The following ORC4 variants were observed in gnomAD, a reference collection of about 807,000 sequenced individuals.
ORC4 encodes the protein origin recognition complex, subunit 4 homolog.
ORC4 carries 55 observed loss-of-function variants against 63.9 expected under a neutral mutation model. The ratio of observed to expected loss-of-function variants is 0.86; its 90% CI spans 0.69 to 1.08. ORC4 has a LOEUF of 1.08. ORC4 is among the 50% of genes least tolerant of loss of function. The pLI, the probability that ORC4 is intolerant of heterozygous loss-of-function variation, is 0.00. For missense variants in ORC4, 511 were observed against 504.4 expected (o/e 1.01, Z -0.13); for synonymous variants, 150 against 168.5 (o/e 0.89, Z 0.85).
chr2:147,958,867 C>T lies in ORC4; in HGVS notation c.226-1G>A. 1.7e-6 allele frequency: 2 copies of T among 1,181,436 alleles called. No homozygotes were observed. The highest frequency in any genetic ancestry group is 2.5e-6 in the Non-Finnish European group (2 of 792,344). The allele number at this position is 1,181,436 out of a possible 1,614,324, so 73.2% of individuals were successfully genotyped here. ...GTTCTTTCAAAGCATGATTTATTAA[C>T]TAAATATGAAAAGTTTATGAAATAA... On this transcript the variant is annotated splice_acceptor_variant, in intron 4 of 13. Transcript: ENST00000392857. LOFTEE classifies it high-confidence loss of function.
chr2:147,954,949 CTCT>C (rs1286700618), intron 7 of ORC4, among the ~76,000 whole-genome samples: 2 of 151,928 alleles, frequency 1.3e-5, no homozygotes, highest in African/African-American at 4.8e-5. Context: ...ATCAAAGTAT[CTCT>C]TCTTAATTAT....
intron 1 of ORC4, among the ~76,000 whole-genome samples, chr2:147,987,939 G>A (rs1360839726): frequency 6.6e-6 from 1 of 151,706 alleles, no homozygotes; most frequent in Non-Finnish European, 1.5e-5. Context: ...TATAGTCCCA[G>A]CTACTTGGGA....
At chr2:148,016,328 T>G (rs1693282189) in intron 1 of ORC4, among the ~76,000 whole-genome samples, 1 of 152,232 alleles carries the variant, frequency 6.6e-6, no homozygotes, top group Non-Finnish European at 1.5e-5. Flanking sequence ...TTTGCTGGTC[T>G]GCTGCCGGTC....
chr2:148,012,705 G>T (rs13033664), intron 1 of ORC4, among the ~76,000 whole-genome samples: 42,839 of 151,336 alleles, frequency 0.28, 6,472 homozygotes, highest in East Asian at 0.47. Flanking sequence ...TCTGACAAAG[G>T]ATTAATAACC....
intron 4 of ORC4, among the ~76,000 whole-genome samples, chr2:147,972,164 C>A (rs1196285131): frequency 1.3e-5 from 2 of 151,990 alleles, no homozygotes; most frequent in Admixed American, 6.6e-5. Flanking sequence ...GTAAGAATAT[C>A]TTTTTGAGGT....
intron 8 of ORC4, among the ~76,000 whole-genome samples, chr2:147,949,601 T>C (rs1688842633): frequency 1.3e-5 from 2 of 152,142 alleles, no homozygotes; most frequent in South Asian, 4.1e-4. Context: ...TGACATGATA[T>C]TTGATGACTT....
In ORC4 at chr2:147,991,491, A is replaced by G. The variant is rs556680869; in HGVS notation, c.-17-15516T>C. Among the ~76,000 whole-genome samples, 57 of 152,304 alleles carry G rather than the reference A, an allele frequency of 3.7e-4. 1 individual carries two copies. The East Asian group carries it at 0.011, about 29-fold the overall frequency. On this transcript the variant is annotated intron_variant, in intron 1 of 13. Transcript: ENST00000392857. ...AAACAACCCCCAGAAGGATAATCAG[A>G]GAGTTAATACTATGATATGTTCAGT...
intron 13 of ORC4, 28 bp from the exon 14 acceptor site, chr2:147,935,726 T>A (rs775721640): frequency 6.3e-6 from 10 of 1,583,496 alleles, no homozygotes; most frequent in Non-Finnish European, 7.8e-6. Flanking sequence ...TAGTTTAGGT[T>A]GAATAGGAGA....
intron 1 of ORC4, among the ~76,000 whole-genome samples, chr2:147,990,240 TA>T (rs1264805401): frequency 6.6e-6 from 1 of 152,228 alleles, no homozygotes; most frequent in South Asian, 2.1e-4. Context: ...ATTTGCTAGC[TA>T]AACAGTCAAA....
At position 147,991,751 on chromosome 2, in the gene ORC4, C is replaced by T. The variant is rs559265440; in HGVS notation, c.-17-15776G>A. On this transcript the variant is annotated intron_variant, in intron 1 of 13. Coordinates refer to ENST00000392857, the MANE Select transcript of ORC4 (RefSeq NM_181741.4). Reference sequence around the variant, plus strand: ...GCTGAGACAGGAGAATCGCTTGAACCGGGGAGGCGGAGGCTGCAGTAAGCG... The same window carrying T: ...GCTGAGACAGGAGAATCGCTTGAACTGGGGAGGCGGAGGCTGCAGTAAGCG... Among the ~76,000 whole-genome samples, 6 of 152,182 alleles carry T rather than the reference C, an allele frequency of 3.9e-5. No homozygotes were observed. The East Asian group carries it at 9.7e-4, about 25-fold the overall frequency.
chr2:148,008,429 A>AG (rs932339313), intron 1 of ORC4, among the ~76,000 whole-genome samples: 4 of 152,224 alleles, frequency 2.6e-5, no homozygotes, highest in Non-Finnish European at 1.5e-5. Context: ...AGGAAATACA[A>AG]GGGGAGGGAT....
intron 1 of ORC4, among the ~76,000 whole-genome samples, chr2:147,992,007 T>C (rs1472707404): frequency 1.3e-5 from 2 of 152,218 alleles, no homozygotes; most frequent in Non-Finnish European, 2.9e-5. Context: ...CTGAATTATA[T>C]AGGCTAACAA....
intron 1 of ORC4, among the ~76,000 whole-genome samples, chr2:148,012,882 T>C (rs1454434631): frequency 2.0e-5 from 3 of 152,088 alleles, no homozygotes; most frequent in South Asian, 4.1e-4. Flanking sequence ...ATCAAAACTA[T>C]AATGAGGTAT....
At chr2:148,019,847 C>A (rs1410698302) in intron 1 of ORC4, among the ~76,000 whole-genome samples, 3 of 152,024 alleles carry the variant, frequency 2.0e-5, no homozygotes, top group African/African-American at 4.8e-5. Context: ...TGAGTTAATT[C>A]TAATTTTATG....
At chr2:147,951,425 T>C (rs773575966) in intron 8 of ORC4, 6 of 152,202 alleles carry the variant, frequency 3.9e-5, no homozygotes, top group African/African-American at 1.2e-4. Flanking sequence ...CCCTCATAAA[T>C]AGATTTAATG....
At chr2:147,940,112 T>C (rs1422890890) in intron 10 of ORC4, among the ~76,000 whole-genome samples, 1 of 152,188 alleles carries the variant, frequency 6.6e-6, no homozygotes, top group African/African-American at 2.4e-5. Flanking sequence ...GGGACCTAGA[T>C]TGCCAGTGCT....
chr2:148,007,968 G>A (rs151326293), intron 1 of ORC4, among the ~76,000 whole-genome samples: 61 of 152,278 alleles, frequency 4.0e-4, no homozygotes, highest in African/African-American at 1.4e-3. Context: ...ATAGTATTAG[G>A]TTGGTGCACA....
At chr2:147,950,993 G>A (rs570487726) in intron 8 of ORC4, among the ~76,000 whole-genome samples, 83 of 148,232 alleles carry the variant, frequency 5.6e-4, no homozygotes, top group African/African-American at 1.9e-3. Context: ...CCTTGTCATC[G>A]CCTGCTGCTT....
chr2:147,969,948 C>CT (rs1265916694), intron 4 of ORC4, among the ~76,000 whole-genome samples: 4 of 151,538 alleles, frequency 2.6e-5, no homozygotes, highest in Admixed American at 6.6e-5. Flanking sequence ...ACATAACTGT[C>CT]TAAGTAAAAA....
Sources: gnomAD v4.1 joint callset for allele counts (sites outside exome capture counted in the v4.1 genomes callset) on GRCh38, gnomAD v4.1.1 for gene constraint, MANE v1.5 for transcripts, NCBI Gene and HGNC (gene_info 2026-07-23, HGNC 2026-07-21) for gene names.